ANKH: variants seen among roughly 807,000 people sequenced by gnomAD.
ANKH encodes ANKH inorganic pyrophosphate transport regulator, also known as mineralization regulator ANKH.
Under a neutral mutation model 49.0 loss-of-function variants are expected in ANKH, and 15 were observed. The observed-to-expected ratio is 0.31, with a 90% confidence interval of 0.20 to 0.47. The LOEUF (loss-of-function observed/expected upper bound fraction) is 0.47, where lower values mean the gene tolerates loss of function less well. Among genes scored for constraint, ANKH ranks in the 20% least tolerant of loss-of-function variants. The pLI, the probability that ANKH is intolerant of heterozygous loss-of-function variation, is 1.00. For synonymous variants in ANKH, 273 were observed against 260.0 expected, an observed-to-expected ratio of 1.05 and a Z score of -0.48; for missense variants, 429 against 652.0, an observed-to-expected ratio of 0.66 and a Z score of 3.72.
At chr5:14,860,902 C>T (rs1735468627) in intron 1 of ANKH, among the ~76,000 whole-genome samples, 1 of 152,070 alleles carries the variant, frequency 6.6e-6, no homozygotes. Flanking sequence ...CCTGCCTCAG[C>T]CTCCCAAGTA....
At chr5:14,785,309 AGGATCTT>A (rs1474449260) in intron 1 of ANKH, among the ~76,000 whole-genome samples, 1 of 152,136 alleles carries the variant, frequency 6.6e-6, no homozygotes, top group Non-Finnish European at 1.5e-5. Flanking sequence ...GGGAGGTGAG[AGGATCTT>A]GGGGGTGGAT....
At chr5:14,773,353 CTTTTTTTTTTTTT>C (rs71603741) in intron 1 of ANKH, among the ~76,000 whole-genome samples, 3 of 77,016 alleles carry the variant, frequency 3.9e-5, no homozygotes, top group Admixed American at 2.0e-4. Context: ...GCAAAGCATT[CTTTTTTTTTTTTT>C]TTTTTTTTTT....
At chr5:14,723,356 TA>T (rs112862391) in intron 8 of ANKH, among the ~76,000 whole-genome samples, 1 of 148,850 alleles carries the variant, frequency 6.7e-6, no homozygotes, top group African/African-American at 2.5e-5. Flanking sequence ...ATTCTTTTTT[TA>T]AAAAAAAAAA....
intron 1 of ANKH, among the ~76,000 whole-genome samples, chr5:14,772,889 T>A (rs1398810370): frequency 2.0e-5 from 3 of 152,242 alleles, no homozygotes; most frequent in Admixed American, 6.5e-5. Flanking sequence ...ATCTGATGCA[T>A]CCACCATAGT....
intron 2 of ANKH, among the ~76,000 whole-genome samples, chr5:14,761,784 G>C (rs994498927): frequency 6.2e-5 from 9 of 145,490 alleles, no homozygotes; most frequent in Non-Finnish European, 1.3e-4. Context: ...TTTCCTTTGA[G>C]ACAGAGTCTC....
At position 14,745,255 on chromosome 5, in the gene ANKH, C is replaced by T. The variant is rs550037983; in HGVS notation, c.915+615G>A. 2.4e-4 allele frequency among the ~76,000 whole-genome samples: 37 copies of T among 152,270 alleles called. No homozygotes were observed. Among genetic ancestry groups the T allele is most frequent in the East Asian group, 3.9e-4 (2 of 5,188 alleles). On this transcript the variant is annotated intron_variant, in intron 7 of 11. Transcript: ENST00000284268. The surrounding 1 kb of genome is among the most constrained non-coding windows in gnomAD (Gnocchi z 4.7). ...AAAAGTCTATAGGTTTAAATGATAACGCTATAAAATAGACTTTAATTGAAT... is the reference window on the plus strand; with the variant it reads ...AAAAGTCTATAGGTTTAAATGATAATGCTATAAAATAGACTTTAATTGAAT...
chr5:14,749,038 T>C, intron 6 of ANKH, 134 bp downstream of exon 6: 1 of 1,298,096 alleles, frequency 7.7e-7, no homozygotes, highest in Non-Finnish European at 1.1e-6. Context: ...TCTTTATGGC[T>C]TCCTAGTGTG....
At chr5:14,817,176 T>C (rs1388686197) in intron 1 of ANKH, among the ~76,000 whole-genome samples, 2 of 152,154 alleles carry the variant, frequency 1.3e-5, no homozygotes, top group African/African-American at 4.8e-5. Context: ...AAATGATGAA[T>C]CAAAGCTTAC....
rs181016639 is a variant in ANKH, at chr5:14,830,456, G to T, written c.96+40896C>A. 9.2e-5 allele frequency among the ~76,000 whole-genome samples: 14 copies of T among 152,052 alleles called. 1 individual carries two copies. In the East Asian group the frequency reaches 2.7e-3, roughly 29 times the overall value. On this transcript the variant is annotated intron_variant, in intron 1 of 11. Transcript: ENST00000284268. ...TAGGCTGCAGTGGGGGAAGGAAGTGGCTGGAAAGTTATTCCCTGATGGCTT... is the reference window on the plus strand; with the variant it reads ...TAGGCTGCAGTGGGGGAAGGAAGTGTCTGGAAAGTTATTCCCTGATGGCTT...
At chr5:14,807,993 T>C (rs1740756920) in intron 1 of ANKH, among the ~76,000 whole-genome samples, 1 of 152,264 alleles carries the variant, frequency 6.6e-6, no homozygotes, top group Non-Finnish European at 1.5e-5. Flanking sequence ...AAAATGTTAT[T>C]GCTGGTCATT....
In ANKH at chr5:14,848,799, T is replaced by G. The variant is rs768822946; in HGVS notation, c.96+22553A>C. On this transcript the variant is annotated intron_variant, in intron 1 of 11. Transcript: ENST00000284268. Reference sequence around the variant, plus strand: ...ACCGCATGGCCCAAGGTTCCGTTCCTTGTAATCCGTGAGGCCAAGAACCCC... The same window carrying G: ...ACCGCATGGCCCAAGGTTCCGTTCCGTGTAATCCGTGAGGCCAAGAACCCC... Among the ~76,000 whole-genome samples, 73 of 152,328 alleles carry G rather than the reference T, an allele frequency of 4.8e-4. 1 individual carries two copies. Among genetic ancestry groups the G allele is most frequent in the Middle Eastern group, 3.4e-3 (1 of 294 alleles).
chr5:14,859,979 G>A lies in ANKH; in HGVS notation c.96+11373C>T, dbSNP rs903226072. Among the ~76,000 whole-genome samples the A allele has an allele frequency of 2.0e-5, 3 of 152,350 alleles. No individual in the cohort carries two copies. The East Asian group carries it at 5.8e-4, about 29-fold the overall frequency. The stretch of plus-strand genomic sequence containing the variant: ...CCTTGCTATTTGGTGCTGAAACACT[G>A]GTTTGTCTAGGAGAGGCTGGGAAAC... On this transcript the variant is annotated intron_variant, in intron 1 of 11. Transcript: ENST00000284268.
intron 1 of ANKH, chr5:14,870,350 T>C (rs979645716): frequency 6.6e-6 from 1 of 152,226 alleles, no homozygotes; most frequent in African/African-American, 2.4e-5. Context: ...AACTGCCTCC[T>C]GAAAGCTGTT....
chr5:14,811,092 T>G (rs1461664720), intron 1 of ANKH, among the ~76,000 whole-genome samples: 1 of 152,160 alleles, frequency 6.6e-6, no homozygotes, highest in Non-Finnish European at 1.5e-5. Context: ...CTGCACAGCC[T>G]CCTCACTAAG....
intron 1 of ANKH, among the ~76,000 whole-genome samples, chr5:14,783,121 C>G (rs1395520733): frequency 1.3e-5 from 2 of 152,076 alleles, no homozygotes; most frequent in Non-Finnish European, 2.9e-5. Context: ...GGCACTTGAT[C>G]TCGTTGTTTT....
intron 11 of ANKH, 86 bp from the exon 12 acceptor site, chr5:14,711,396 C>CCCCCAAGACCCCG: frequency 1.7e-6 from 2 of 1,171,334 alleles, no homozygotes; most frequent in Non-Finnish European, 2.6e-6. Flanking sequence ...ACACCGGGGT[C>CCCCCAAGACCCCG]TTGGGGGACC....
intron 7 of ANKH, among the ~76,000 whole-genome samples, chr5:14,743,974 T>G (rs1372580478): frequency 6.6e-6 from 1 of 152,222 alleles, no homozygotes. Flanking sequence ...GTTCTAACAC[T>G]TCAGCACTTG....
chr5:14,867,258 A>C (rs577239716), intron 1 of ANKH, among the ~76,000 whole-genome samples: 1 of 152,230 alleles, frequency 6.6e-6, no homozygotes, highest in East Asian at 1.9e-4. Flanking sequence ...AAATTTATAA[A>C]GACCAGGTGG....
At chr5:14,778,487 T>G (rs1580060488) in intron 1 of ANKH, among the ~76,000 whole-genome samples, 1 of 152,248 alleles carries the variant, frequency 6.6e-6, no homozygotes, top group Admixed American at 6.5e-5. Context: ...CTACTCTGCT[T>G]CAAGTGCACA....
Sources: allele counts gnomAD v4.1 joint callset (sites outside exome capture counted in the v4.1 genomes callset), GRCh38; gene constraint gnomAD v4.1.1; non-coding constraint Gnocchi (gnomAD v3.1); transcripts MANE v1.5; gene names NCBI Gene and HGNC (gene_info 2026-07-23, HGNC 2026-07-21).